SCAI: variants seen among roughly 807,000 people sequenced by gnomAD.
SCAI encodes the protein protein SCAI.
In SCAI, 24 loss-of-function variants were observed where a neutral mutation model predicts 92.2. The observed-to-expected ratio is 0.26, with a 90% CI of 0.19 to 0.37. The LOEUF (loss-of-function observed/expected upper bound fraction) is 0.37. Among genes scored for constraint, SCAI ranks in the 10% least tolerant of loss-of-function variants. SCAI has a pLI of 1.00. For missense variants in SCAI, 450 were observed against 736.2 expected (o/e 0.61, Z 4.50); for synonymous variants, 261 against 258.6 (o/e 1.01, Z -0.09).
intron 2 of SCAI, among the ~76,000 whole-genome samples, chr9:125,129,010 C>T (rs1835341345): frequency 6.6e-6 from 1 of 151,976 alleles, no homozygotes; most frequent in African/African-American, 2.4e-5. Context: ...CTTCAGTGCA[C>T]CGAGATCACG....
At chr9:125,048,031 T>A (rs991502593) in intron 3 of SCAI, among the ~76,000 whole-genome samples, 1 of 152,124 alleles carries the variant, frequency 6.6e-6, no homozygotes, top group African/African-American at 2.4e-5. Context: ...CAGGCTGGAA[T>A]GCAATGGCGT....
intron 3 of SCAI, among the ~76,000 whole-genome samples, chr9:125,044,391 T>C (rs1833393336): frequency 6.6e-6 from 1 of 152,088 alleles, no homozygotes; most frequent in South Asian, 2.1e-4. Flanking sequence ...AGAAAGGAGC[T>C]ACCCACTCCT....
At chr9:124,974,613 A>G (rs970764133) in intron 15 of SCAI, among the ~76,000 whole-genome samples, 2 of 152,224 alleles carry the variant, frequency 1.3e-5, no homozygotes, top group African/African-American at 4.8e-5. Context: ...GGATAAATCC[A>G]AAACATTTCT....
Position 124,997,632 on chromosome 9 carries a change from T to G in SCAI, c.1244+2259A>C, listed in dbSNP as rs561282087. On this transcript the variant is annotated intron_variant, in intron 13 of 17. Coordinates refer to ENST00000336505, the MANE Select transcript of SCAI (RefSeq NM_001144877.3). ...GGCTCACGCCTGTAATCCCAGCACT[T>G]TGGGAGGCCAAAGCAGGCGGATCAC... Among the ~76,000 whole-genome samples the G allele has an allele frequency of 7.9e-5, 12 of 152,160 alleles. No homozygotes were observed. In the South Asian group the frequency reaches 1.5e-3, roughly 18 times the overall value.
At chr9:125,134,717 C>T (rs1835481732) in intron 2 of SCAI, among the ~76,000 whole-genome samples, 1 of 152,190 alleles carries the variant, frequency 6.6e-6, no homozygotes. Context: ...GCTCTTGTTG[C>T]CCAGGCTAGA....
At chr9:125,002,777 C>T (rs192522254) in intron 11 of SCAI, among the ~76,000 whole-genome samples, 43 of 151,872 alleles carry the variant, frequency 2.8e-4, no homozygotes, top group African/African-American at 9.9e-4. Flanking sequence ...AGCCACCACG[C>T]CTGGCCAATT....
intron 2 of SCAI, among the ~76,000 whole-genome samples, chr9:125,122,854 C>T (rs1180888539): frequency 6.6e-6 from 1 of 152,136 alleles, no homozygotes; most frequent in Non-Finnish European, 1.5e-5. Flanking sequence ...TGCAGTGAGC[C>T]AAGATCGCAC....
intron 2 of SCAI, among the ~76,000 whole-genome samples, chr9:125,106,551 T>A (rs575116826): frequency 6.6e-6 from 1 of 152,092 alleles, no homozygotes; most frequent in Admixed American, 6.6e-5. Context: ...AACATGTGAA[T>A]CTTAAACTAA....
At chr9:125,011,340 G>A (rs1832634764) in intron 9 of SCAI, among the ~76,000 whole-genome samples, 1 of 152,216 alleles carries the variant, frequency 6.6e-6, no homozygotes, top group South Asian at 2.1e-4. Flanking sequence ...GTGCTTAAAG[G>A]AGCTGATGGA....
chr9:125,113,717 C>A (rs1252915775), intron 2 of SCAI, among the ~76,000 whole-genome samples: 1 of 146,738 alleles, frequency 6.8e-6, no homozygotes, highest in African/African-American at 2.6e-5. Context: ...AATCCCAGCA[C>A]TTTGGGAGGC....
At chr9:125,015,528 A>AAAC (rs1644307476) in intron 9 of SCAI, among the ~76,000 whole-genome samples, 1 of 151,796 alleles carries the variant, frequency 6.6e-6, no homozygotes, top group Admixed American at 6.6e-5. Flanking sequence ...AAAAGTCAGG[A>AAAC]AACAGGTGCT....
chr9:125,128,020 A>AG (rs2131260320), intron 2 of SCAI, among the ~76,000 whole-genome samples: 1 of 151,776 alleles, frequency 6.6e-6, no homozygotes, highest in Non-Finnish European at 1.5e-5. Flanking sequence ...AAAAAAAAAA[A>AG]ATTCTAGGCC....
At chr9:125,048,481 C>G (rs1833492625) in intron 3 of SCAI, among the ~76,000 whole-genome samples, 1 of 151,758 alleles carries the variant, frequency 6.6e-6, no homozygotes, top group African/African-American at 2.4e-5. Flanking sequence ...TTGCCATTAC[C>G]AGTTTGCAGA....
At chr9:125,014,518 A>G (rs1296659602) in intron 9 of SCAI, among the ~76,000 whole-genome samples, 1 of 152,212 alleles carries the variant, frequency 6.6e-6, no homozygotes, top group Non-Finnish European at 1.5e-5. Context: ...ACCACTGCTC[A>G]ATGAAATAAA....
In SCAI at chr9:125,003,543, T is replaced by C; in HGVS notation, c.889A>G (p.Met297Val). 6.2e-7 allele frequency: 1 copy of C among 1,612,956 alleles called. No individual in the cohort carries two copies. Among genetic ancestry groups the C allele is most frequent in the Non-Finnish European group, 8.5e-7 (1 of 1,179,176 alleles). Reference sequence around the variant, plus strand: ...TCCAGAGCTTGTAACATCCGGAACATGTCAACAGTTAGTTCACTGAACTTA... The same window carrying C: ...TCCAGAGCTTGTAACATCCGGAACACGTCAACAGTTAGTTCACTGAACTTA... ...QVKFSELTVD[M>V]FRMLQALERE... Residue 297 changes from methionine (M) to valine (V), a missense_variant, in exon 10 of 18, where the codon ATG becomes GTG. Met to Val is a conservative substitution (Grantham distance 21). Around this residue, in one of 3 missense-constraint regions of SCAI, gnomAD observed 360 missense variants for 601.8 expected, o/e 0.60. Transcript: ENST00000336505.
chr9:125,076,708 C>CT (rs1417811242), intron 2 of SCAI, among the ~76,000 whole-genome samples: 148 of 148,806 alleles, frequency 9.9e-4, no homozygotes, highest in African/African-American at 2.8e-3. Flanking sequence ...TTTTTCCTTT[C>CT]TTTTTTTTTT....
In SCAI at chr9:125,142,650, A is replaced by G; in HGVS notation, c.81T>C (p.Pro27=). ...PRLTGTVEKP[P]RKRRSRTEFA... is the part of the protein sequence containing the mutation. ...TGCCTTACCTGCTTCTCCGTTTTCG[A>G]GGCGGTTTCTCCACTGTGCCAGTCA... The change falls in exon 2 of 18, where the codon CCT becomes CCC. Residue 27 remains proline (P), a synonymous_variant. Transcript: ENST00000336505. The G allele has an allele frequency of 6.2e-7, 1 of 1,613,894 alleles. No homozygotes were observed. Among genetic ancestry groups the G allele is most frequent in the East Asian group, 2.2e-5 (1 of 44,892 alleles).
At chr9:124,975,268 T>C in intron 15 of SCAI, 3 of 453,832 alleles carry the variant, frequency 6.6e-6, no homozygotes, top group South Asian at 4.7e-5. Context: ...GGTGAAAGCC[T>C]CCAGCTTCTC....
chr9:125,032,074 A>G (rs1416950142), intron 3 of SCAI, among the ~76,000 whole-genome samples: 1 of 151,642 alleles, frequency 6.6e-6, no homozygotes, highest in African/African-American at 2.4e-5. Context: ...AATTAAGAAA[A>G]GAAGTACAGG....
Sources: gnomAD v4.1 joint callset for allele counts (sites outside exome capture counted in the v4.1 genomes callset) on GRCh38, gnomAD v4.1.1 for gene constraint, gnomAD v4.1.1 regional missense constraint, MANE v1.5 for transcripts, NCBI Gene and HGNC (gene_info 2026-07-23, HGNC 2026-07-21) for gene names.